NUAK2: variants seen among roughly 807,000 people sequenced by gnomAD.
The protein encoded by NUAK2 is NUAK family kinase 2.
Under a neutral mutation model 29.8 loss-of-function variants are expected in NUAK2, and 20 were observed. That is an observed-to-expected ratio of 0.67 (90% CI 0.47 to 0.98). The LOEUF is 0.98. NUAK2 is among the 50% of genes least tolerant of loss of function. The pLI is 0.00. For synonymous variants in NUAK2, 331 were observed against 342.6 expected (o/e 0.97, Z 0.37); for missense variants, 719 against 834.5 (o/e 0.86, Z 1.71).
chr1:205,313,277 C>G (rs1171031463), intron 1 of NUAK2, among the ~76,000 whole-genome samples: 1 of 151,196 alleles, frequency 6.6e-6, no homozygotes, highest in Non-Finnish European at 1.5e-5. Flanking sequence ...AAACACCAGT[C>G]TATTCAGTCC....
intron 1 of NUAK2, among the ~76,000 whole-genome samples, chr1:205,315,302 C>A (rs1401476185): frequency 6.6e-6 from 1 of 152,228 alleles, no homozygotes; most frequent in Admixed American, 6.5e-5. Context: ...TGCTGGCTAG[C>A]CTGTCAAAGT....
chr1:205,311,547 C>T (rs1662257421), intron 2 of NUAK2, among the ~76,000 whole-genome samples, 158 bp downstream of exon 2: 2 of 152,214 alleles, frequency 1.3e-5, no homozygotes, highest in South Asian at 4.1e-4. Flanking sequence ...TGTGCAAAGT[C>T]ATACAGCTGA....
chr1:205,311,059 C>G (rs191611549), intron 2 of NUAK2, among the ~76,000 whole-genome samples: 1 of 152,308 alleles, frequency 6.6e-6, no homozygotes, highest in East Asian at 1.9e-4. Flanking sequence ...TAAGAGAGGG[C>G]TCCCCATCTT....
In NUAK2 at chr1:205,303,229, T is replaced by C. The variant is rs1227805327; in HGVS notation, c.*221A>G. ...GGCATTCCCGTTCCCCTCTCTTTAG[T>C]ATCCTCTTCGTTCAGCAGGGCTGAA... On this transcript the variant is annotated 3_prime_UTR_variant, in exon 7 of 7. Coordinates refer to ENST00000367157, the MANE Select transcript of NUAK2 (RefSeq NM_030952.3). 2.3e-6 allele frequency: 1 copy of C among 426,792 alleles called. No individual in the cohort carries two copies. Among genetic ancestry groups the C allele is most frequent in the Non-Finnish European group, 4.2e-6 (1 of 240,296 alleles). 26.4% of individuals were successfully genotyped at this position (426,792 alleles called of 1,614,324 possible).
chr1:205,307,614 A>G (rs1331188694), intron 4 of NUAK2, among the ~76,000 whole-genome samples: 1 of 152,162 alleles, frequency 6.6e-6, no homozygotes, highest in African/African-American at 2.4e-5. Flanking sequence ...ATCTCAGTTT[A>G]TCCCATCAAC....
At position 205,303,586 on chromosome 1, in the gene NUAK2, G is replaced by A; in HGVS notation, c.1751C>T (p.Pro584Leu). The A allele has an allele frequency of 6.2e-7, 1 of 1,613,236 alleles. No individual in the cohort carries two copies. The highest frequency in any genetic ancestry group is 8.5e-7 in the Non-Finnish European group (1 of 1,179,824). ...CAGGCAGCTTCCAGGGCCCTCTGAG[G>A]GGGGCTCCTCAAGCCCCGTGAGGTT... ...VDNLTGLEEP[P>L]SEGPGSCLRR... Residue 584 changes from proline (P) to leucine (L), a missense_variant, in exon 7 of 7, where the codon CCC becomes CTC. By Grantham distance (98) the Pro-to-Leu change is moderately conservative. Around this residue, in one of 3 missense-constraint regions of NUAK2, gnomAD observed 430 missense variants for 465.7 expected, o/e 0.92. Transcript: ENST00000367157.
chr1:205,308,521 C>G lies in NUAK2; in HGVS notation c.504+60G>C, dbSNP rs1662212235. On this transcript the variant is annotated intron_variant, in intron 3 of 6. Transcript: ENST00000367157. This position sits in a 1 kb window ranked among gnomAD's most constrained non-coding sequence, Gnocchi z 4.1. ...GTCATGGAACCTCTCTGGTCCAAAA[C>G]AGCCCTAGAGCCCTGGGGACCACCC... 2 of 1,568,574 alleles carry G rather than the reference C, an allele frequency of 1.3e-6. No individual in the cohort carries two copies. The highest frequency in any genetic ancestry group is 4.5e-5 in the East Asian group (2 of 44,170).
At position 205,306,288 on chromosome 1, in the gene NUAK2, G is replaced by C. The variant is rs1662178526; in HGVS notation, c.590C>G (p.Ser197Cys). ...GAACTTGCCTTGATGGTAGAGGTTG[G>C]AGAGACCGAAGTCAGCAATCTGCAG... ...GNIKIADFGLSNLYHQGKFLQ... is the reference protein window; with the variant it reads ...GNIKIADFGLCNLYHQGKFLQ... Residue 197 changes from serine to cysteine, a missense_variant, in exon 5 of 7, where the codon TCC (serine) becomes TGC (cysteine). Ser to Cys is a moderately radical substitution (Grantham distance 112). Around this residue, in one of 3 missense-constraint regions of NUAK2, gnomAD observed 283 missense variants for 345.6 expected, o/e 0.82. Transcript: ENST00000367157. The C allele has an allele frequency of 6.2e-7, 1 of 1,613,564 alleles. No individual in the cohort carries two copies. Among genetic ancestry groups the C allele is most frequent in the Non-Finnish European group, 8.5e-7 (1 of 1,179,772 alleles).
chr1:205,319,800 C>G (rs776341136), intron 1 of NUAK2, among the ~76,000 whole-genome samples: 5 of 152,192 alleles, frequency 3.3e-5, no homozygotes, highest in Non-Finnish European at 5.9e-5. Flanking sequence ...TAATCTACCC[C>G]TTTCTCCAAC....
chr1:205,321,718 G>C lies in NUAK2; in HGVS notation c.-90C>G, dbSNP rs1662423820. 6 of 1,061,612 alleles carry C rather than the reference G, an allele frequency of 5.7e-6. No homozygotes were observed. Among genetic ancestry groups the C allele is most frequent in the African/African-American group, 3.1e-5 (2 of 64,214 alleles). The allele number at this position is 1,061,612 out of a possible 1,614,324, so 65.8% of individuals were successfully genotyped here. A position where few individuals can be genotyped will look rare whatever the true frequency, so the allele number is the denominator to read the frequency against. Reference sequence around the variant, plus strand: ...CGGGGCACAGGTCCCGCACCAGGACGGGGAGCCACAGCAGTACCAGAGCGC... The same window carrying C: ...CGGGGCACAGGTCCCGCACCAGGACCGGGAGCCACAGCAGTACCAGAGCGC... On this transcript the variant is annotated 5_prime_UTR_variant, in exon 1 of 7. Coordinates refer to ENST00000367157, the MANE Select transcript of NUAK2 (RefSeq NM_030952.3).
At chr1:205,317,071 G>A (rs1302793595) in intron 1 of NUAK2, among the ~76,000 whole-genome samples, 2 of 152,134 alleles carry the variant, frequency 1.3e-5, no homozygotes, top group Non-Finnish European at 2.9e-5. Flanking sequence ...GCCAGGCTGT[G>A]TAGTATCACC....
chr1:205,306,493 G>A (rs1662182877), intron 4 of NUAK2, among the ~76,000 whole-genome samples, 186 bp from the exon 5 acceptor site: 1 of 152,192 alleles, frequency 6.6e-6, no homozygotes, highest in Non-Finnish European at 1.5e-5. Flanking sequence ...CGAACCCTGA[G>A]GAGCTGTGTC....
At chr1:205,311,618 TTTC>T in intron 2 of NUAK2, 84 bp downstream of exon 2, 1 of 1,540,536 alleles carries the variant, frequency 6.5e-7, no homozygotes, top group African/African-American at 1.4e-5. Flanking sequence ...CTTTATGTTG[TTTC>T]TTCTGACACA....
chr1:205,306,078 A>T (rs4951195), intron 5 of NUAK2, 110 bp downstream of exon 5: 1,427,396 of 1,432,708 alleles, frequency 1, 711,148 homozygotes, highest in East Asian at 1. Flanking sequence ...GAGGCTTGAG[A>T]GTTGTGCTCT....
chr1:205,303,492 C>A lies in NUAK2; in HGVS notation c.1845G>T (p.Ala615=). 6.2e-7 allele frequency: 1 copy of A among 1,607,106 alleles called. No individual in the cohort carries two copies. Among genetic ancestry groups the A allele is most frequent in the Non-Finnish European group, 8.5e-7 (1 of 1,176,796 alleles). The change falls in exon 7 of 7, where the codon GCG becomes GCT. Residue 615 remains alanine, a synonymous_variant. Coordinates refer to ENST00000367157, the MANE Select transcript of NUAK2 (RefSeq NM_030952.3). ...FSLTDCQEVT[A]TYRQALRVCS... ...AGACCCTCAGTGCCTGTCGGTAGGT[C>A]GCTGTCACCTCCTGGCAGTCTGTCA...
At position 205,304,221 on chromosome 1, in the gene NUAK2, A is replaced by G; in HGVS notation, c.1116T>C (p.His372=). ...GSTTPGLERQ[H]SLKKSRKEND... ...TCTCCTTGCGGGACTTCTTGAGCGA[A>G]TGCTGGCGCTCCAGGCCAGGGGTGG... is the stretch of plus-strand genomic sequence containing the variant. The change falls in exon 7 of 7, where the codon CAT becomes CAC. Residue 372 remains histidine (H), a synonymous_variant. Transcript: ENST00000367157. The surrounding 1 kb of genome is among the most constrained non-coding windows in gnomAD (Gnocchi z 6.5). 1 of 1,614,136 alleles carries G rather than the reference A, an allele frequency of 6.2e-7. No homozygotes were observed. The highest frequency in any genetic ancestry group is 8.5e-7 in the Non-Finnish European group (1 of 1,180,008).
chr1:205,308,082 G>A lies in NUAK2; in HGVS notation c.570+83C>T. On this transcript the variant is annotated intron_variant, in intron 4 of 6. Transcript: ENST00000367157. The surrounding 1 kb of genome is among the most constrained non-coding windows in gnomAD (Gnocchi z 4.1). The stretch of plus-strand genomic sequence containing the variant: ...CTCAGCTCCTTCAGGAATCCACCAA[G>A]AGCTTAGAGCTACTTGGCTGGGGAC... The A allele has an allele frequency of 1.1e-6, 1 of 903,504 alleles. No homozygotes were observed. Among genetic ancestry groups the A allele is most frequent in the South Asian group, 1.4e-5 (1 of 71,030 alleles). The allele number at this position is 903,504 out of a possible 1,614,324, so 56.0% of individuals were successfully genotyped here.
rs1662414979 is a variant in NUAK2 at position 205,321,384 on chromosome 1, G to C, written c.231+14C>G. ...CGGAGCCCGCCCCGCGCCGCGAGAG[G>C]GAGCCGCACTCACCAGGCGCCCCGA... On this transcript the variant is annotated intron_variant, in intron 1 of 6. Coordinates refer to ENST00000367157, the MANE Select transcript of NUAK2 (RefSeq NM_030952.3). The C allele has an allele frequency of 6.2e-7, 1 of 1,601,384 alleles. No individual in the cohort carries two copies. The highest frequency in any genetic ancestry group is 1.3e-5 in the African/African-American group (1 of 74,174).
chr1:205,319,096 AG>A (rs968716078), intron 1 of NUAK2, among the ~76,000 whole-genome samples: 13 of 141,060 alleles, frequency 9.2e-5, no homozygotes, highest in Admixed American at 4.2e-4. Flanking sequence ...AGGACAGTCA[AG>A]AGGCAGGGGT....
Sources: gnomAD v4.1 joint callset for allele counts (sites outside exome capture counted in the v4.1 genomes callset) on GRCh38, gnomAD v4.1.1 for gene constraint, gnomAD v4.1.1 regional missense constraint, Gnocchi (gnomAD v3.1) non-coding constraint, MANE v1.5 for transcripts, NCBI Gene and HGNC (gene_info 2026-07-23, HGNC 2026-07-21) for gene names.